SLC25A48: variants seen among roughly 807,000 people sequenced by gnomAD.
SLC25A48 encodes the protein CTC-321K16.1.
In SLC25A48, 29 loss-of-function variants were observed where a neutral mutation model predicts 32.2. That is an observed-to-expected ratio of 0.90 (90% CI 0.67 to 1.23). The LOEUF (loss-of-function observed/expected upper bound fraction) is 1.23, where lower values mean the gene tolerates loss of function less well. SLC25A48 is among the 50% of genes most tolerant of loss of function. The probability of loss-of-function intolerance (pLI) is 0.00; values close to 1 mark genes in which losing one functional copy is unlikely to be tolerated. For synonymous variants in SLC25A48, 164 were observed against 172.3 expected (o/e 0.95, Z 0.38); for missense variants, 399 against 422.7 (o/e 0.94, Z 0.49).
chr5:135,589,513 A>G (rs2126875066), intron 1 of SLC25A48, among the ~76,000 whole-genome samples: 1 of 152,312 alleles, frequency 6.6e-6, no homozygotes. Flanking sequence ...TCAGCTTGTC[A>G]AAGTTAGTTT....
At chr5:135,756,079 AT>A (rs746622931) in intron 3 of SLC25A48, among the ~76,000 whole-genome samples, 5 of 151,998 alleles carry the variant, frequency 3.3e-5, no homozygotes, top group African/African-American at 9.7e-5. Flanking sequence ...TCGCTGTGAT[AT>A]TTGTCATATC....
At chr5:135,730,005 T>A (rs1478206077) in intron 3 of SLC25A48, among the ~76,000 whole-genome samples, 1 of 152,186 alleles carries the variant, frequency 6.6e-6, no homozygotes, top group African/African-American at 2.4e-5. Flanking sequence ...ACTCTTCATG[T>A]CCCTGCCCAG....
intron 1 of SLC25A48, among the ~76,000 whole-genome samples, chr5:135,617,629 G>C (rs1752219636): frequency 6.6e-6 from 1 of 151,314 alleles, no homozygotes; most frequent in Non-Finnish European, 1.5e-5. Flanking sequence ...GCTATATCCT[G>C]TAGGTTTTAG....
chr5:135,852,530 C>T (rs775877841), intron 3 of SLC25A48, 33 bp from the exon 4 acceptor site: 7 of 1,568,296 alleles, frequency 4.5e-6, no homozygotes, highest in Non-Finnish European at 6.1e-6. Context: ...AGCCCGGGGT[C>T]CTCACGCCTC....
At chr5:135,838,189 T>A (rs958855974) in intron 1 of SLC25A48, among the ~76,000 whole-genome samples, 8 of 152,178 alleles carry the variant, frequency 5.3e-5, no homozygotes, top group African/African-American at 1.7e-4. Flanking sequence ...GCCTTAGAGA[T>A]CTGTGGAACT....
rs567279159 is a variant in SLC25A48, at chr5:135,828,274, G to A, written c.-116-14142G>A. 2.0e-4 allele frequency among the ~76,000 whole-genome samples: 31 copies of A among 152,356 alleles called. No homozygotes were observed. In the South Asian group the frequency reaches 2.7e-3, roughly 13 times the overall value. On this transcript the variant is annotated intron_variant, in intron 4 of 10. Coordinates refer to the SLC25A48 transcript ENST00000646290. ...GAGCTGTCCATGTGCTAACACAGAC[G>A]TGAACACTCAGGACACACAGGTCAT... is the stretch of plus-strand genomic sequence containing the variant.
chr5:135,880,992 G>C (rs1762433871), intron 7 of SLC25A48, among the ~76,000 whole-genome samples: 2 of 149,254 alleles, frequency 1.3e-5, no homozygotes, highest in African/African-American at 4.9e-5. Context: ...CACTCCCCAG[G>C]TGGGGCTGCT....
chr5:135,583,258 C>T (rs946541953), intron 1 of SLC25A48, among the ~76,000 whole-genome samples: 1 of 151,814 alleles, frequency 6.6e-6, no homozygotes, highest in Non-Finnish European at 1.5e-5. Context: ...CCAGTTCATC[C>T]TCAGGGCATT....
At chr5:135,842,309 A>C in intron 1 of SLC25A48, 107 bp from the exon 2 acceptor site, 2 of 1,165,768 alleles carry the variant, frequency 1.7e-6, no homozygotes, top group South Asian at 2.6e-5. Flanking sequence ...CCCCTACCCC[A>C]GCAATTGACC....
At chr5:135,749,820 G>A (rs1332623410) in intron 3 of SLC25A48, among the ~76,000 whole-genome samples, 1 of 152,102 alleles carries the variant, frequency 6.6e-6, no homozygotes. Flanking sequence ...TCAAACTCCT[G>A]ACCTCAGGTG....
intron 3 of SLC25A48, among the ~76,000 whole-genome samples, chr5:135,800,301 C>T (rs1014310767): frequency 3.3e-5 from 5 of 151,668 alleles, no homozygotes; most frequent in Admixed American, 6.6e-5. Flanking sequence ...GTGTACAGCC[C>T]GCTTGTGGTA....
intron 3 of SLC25A48, among the ~76,000 whole-genome samples, chr5:135,811,146 A>T (rs1757582011): frequency 6.6e-6 from 1 of 152,144 alleles, no homozygotes; most frequent in Non-Finnish European, 1.5e-5. Flanking sequence ...CAGGACTTCC[A>T]AACCCATGAA....
chr5:135,703,739 A>G (rs1242659423), intron 3 of SLC25A48, among the ~76,000 whole-genome samples: 1 of 152,206 alleles, frequency 6.6e-6, no homozygotes, highest in Non-Finnish European at 1.5e-5. Flanking sequence ...TGGCCCTGCC[A>G]GACCGTGGGC....
Position 135,796,668 on chromosome 5 carries a change from C to CG in SLC25A48, c.-520-15849dup, listed in dbSNP as rs34197336. 1.6e-3 allele frequency among the ~76,000 whole-genome samples: 237 copies of CG among 146,270 alleles called. 2 individuals carry two copies. The highest frequency in any genetic ancestry group is 5.4e-3 in the African/African-American group (212 of 39,470). ...GATGGTGATATTACTCCCCATATCC[C>CG]GGGGGGTGTACATTTTTCTGTGATA... On this transcript the variant is annotated intron_variant, in intron 3 of 10. Coordinates refer to the SLC25A48 transcript ENST00000646290.
At chr5:135,591,794 C>T (rs909184377) in intron 1 of SLC25A48, among the ~76,000 whole-genome samples, 5 of 152,168 alleles carry the variant, frequency 3.3e-5, no homozygotes, top group African/African-American at 1.2e-4. Context: ...GCCCTATTGC[C>T]TATACCTGTG....
chr5:135,584,225 A>G (rs1335261927), intron 1 of SLC25A48, among the ~76,000 whole-genome samples: 2 of 152,244 alleles, frequency 1.3e-5, no homozygotes, highest in Non-Finnish European at 2.9e-5. Flanking sequence ...TTATTCCACC[A>G]TCTATTCATC....
intron 3 of SLC25A48, among the ~76,000 whole-genome samples, chr5:135,732,249 C>G (rs4469192): frequency 0.35 from 45,259 of 128,256 alleles, 6,685 homozygotes; most frequent in East Asian, 0.52. Context: ...TGAATACCAA[C>G]AGCCTGAGAA....
chr5:135,691,199 G>T (rs150238272), intron 3 of SLC25A48, among the ~76,000 whole-genome samples: 1 of 152,164 alleles, frequency 6.6e-6, no homozygotes, highest in African/African-American at 2.4e-5. Flanking sequence ...AGGCAATTAA[G>T]CACTCCCAGG....
At chr5:135,711,136 A>G (rs1172288976) in intron 3 of SLC25A48, among the ~76,000 whole-genome samples, 1 of 152,248 alleles carries the variant, frequency 6.6e-6, no homozygotes, top group African/African-American at 2.4e-5. Context: ...TTGCCTGACC[A>G]GAAATATTCA....
Sources: gnomAD v4.1 joint callset for allele counts (sites outside exome capture counted in the v4.1 genomes callset) on GRCh38, gnomAD v4.1.1 for gene constraint, MANE v1.5 for transcripts, NCBI Gene and HGNC (gene_info 2026-07-23, HGNC 2026-07-21) for gene names.